The following UBXN2B variants were observed in gnomAD, a reference collection of about 807,000 sequenced individuals.
UBXN2B encodes UBX domain protein 2B.
UBXN2B carries 19 observed loss-of-function variants against 37.5 expected under a neutral mutation model. The ratio of observed to expected loss-of-function variants is 0.51; its 90% CI spans 0.35 to 0.74. The LOEUF is 0.74. Among genes scored for constraint, UBXN2B ranks in the 30% least tolerant of loss-of-function variants. The probability of loss-of-function intolerance (pLI) is 0.01; values close to 1 mark genes in which losing one functional copy is unlikely to be tolerated. For missense variants in UBXN2B, 370 were observed against 393.2 expected (o/e 0.94, Z 0.50); for synonymous variants, 145 against 143.8 (o/e 1.01, Z -0.06).
At chr8:58,431,391 T>C (rs961619383) in intron 3 of UBXN2B, among the ~76,000 whole-genome samples, 2 of 152,250 alleles carry the variant, frequency 1.3e-5, no homozygotes, top group Non-Finnish European at 2.9e-5. Context: ...GTCAGAGTTA[T>C]TGCTTGTATC....
chr8:58,440,251 G>A (rs981299552), intron 6 of UBXN2B, among the ~76,000 whole-genome samples: 1 of 152,180 alleles, frequency 6.6e-6, no homozygotes, highest in Non-Finnish European at 1.5e-5. Context: ...AAGGGTTGTC[G>A]ATGAGATAAA....
chr8:58,411,740 C>A (rs776834617), intron 1 of UBXN2B, among the ~76,000 whole-genome samples: 2 of 152,168 alleles, frequency 1.3e-5, no homozygotes, highest in African/African-American at 2.4e-5. Flanking sequence ...TGACATTTTG[C>A]GGGGTCAGTT....
chr8:58,424,234 A>G (rs1808012493), intron 2 of UBXN2B, among the ~76,000 whole-genome samples: 2 of 152,040 alleles, frequency 1.3e-5, no homozygotes, highest in Non-Finnish European at 2.9e-5. Context: ...TAAAAAGAAA[A>G]AAAAAAAAAA....
At chr8:58,425,680 G>C (rs150627622) in intron 2 of UBXN2B, 8 of 1,171,992 alleles carry the variant, frequency 6.8e-6, no homozygotes, top group Non-Finnish European at 1.0e-5. Flanking sequence ...CTTAGTTCTC[G>C]AATTCTGCTA....
intron 2 of UBXN2B, among the ~76,000 whole-genome samples, chr8:58,429,051 T>C (rs952897319): frequency 6.6e-6 from 1 of 152,218 alleles, no homozygotes; most frequent in Admixed American, 6.5e-5. Flanking sequence ...TAGGCAAAGA[T>C]TTCAAATAAT....
At chr8:58,434,369 A>ATAT (rs1554552288) in intron 4 of UBXN2B, 26 bp from the exon 5 acceptor site, 11 of 306,944 alleles carry the variant, frequency 3.6e-5, no homozygotes, top group Non-Finnish European at 4.2e-5. Context: ...ATATATATAT[A>ATAT]TTTTTTTTTT....
intron 7 of UBXN2B, among the ~76,000 whole-genome samples, chr8:58,446,741 G>T (rs546514644): frequency 8.1e-6 from 1 of 123,506 alleles, no homozygotes; most frequent in Admixed American, 8.6e-5. Flanking sequence ...GTCATATGCT[G>T]CTAACACATT....
chr8:58,447,142 T>G (rs1808700350), intron 7 of UBXN2B, among the ~76,000 whole-genome samples: 1 of 152,130 alleles, frequency 6.6e-6, no homozygotes, highest in African/African-American at 2.4e-5. Flanking sequence ...ACTTACTTTA[T>G]TCATAACTTA....
chr8:58,416,388 T>C (rs1427623387), intron 1 of UBXN2B, among the ~76,000 whole-genome samples: 2 of 152,102 alleles, frequency 1.3e-5, no homozygotes, highest in Non-Finnish European at 2.9e-5. Context: ...ATTTATAAGT[T>C]TGGTAGACTT....
At chr8:58,440,732 C>T (rs558017633) in intron 6 of UBXN2B, among the ~76,000 whole-genome samples, 1 of 152,254 alleles carries the variant, frequency 6.6e-6, no homozygotes, top group East Asian at 1.9e-4. Flanking sequence ...CTTCAGTTGC[C>T]TCGTGTACAC....
chr8:58,447,646 T>C lies in UBXN2B; in HGVS notation c.*95T>C, dbSNP rs1808712109. ...GCATTAAAAACAGCCAAATTATTTTTATTATTTTTACAGATAAATTTTGGT... is the reference window on the plus strand; with the variant it reads ...GCATTAAAAACAGCCAAATTATTTTCATTATTTTTACAGATAAATTTTGGT... On this transcript the variant is annotated 3_prime_UTR_variant, in exon 8 of 8. Transcript: ENST00000399598. 1.7e-6 allele frequency: 2 copies of C among 1,211,362 alleles called. No individual in the cohort carries two copies. Among genetic ancestry groups the C allele is most frequent in the Non-Finnish European group, 2.2e-6 (2 of 924,452 alleles). The allele number at this position is 1,211,362 out of a possible 1,614,324, so 75.0% of individuals were successfully genotyped here. A position where few individuals can be genotyped will look rare whatever the true frequency, so the allele number is the denominator to read the frequency against.
chr8:58,446,816 G>T (rs202246575), intron 7 of UBXN2B, among the ~76,000 whole-genome samples: 2 of 3,940 alleles, frequency 5.1e-4, no homozygotes, highest in Admixed American at 1.3e-3. Context: ...TTTTTTTTTT[G>T]AGACAGAGTC....
intron 3 of UBXN2B, 104 bp from the exon 4 acceptor site, chr8:58,433,056 A>T: frequency 1.1e-6 from 1 of 891,618 alleles, no homozygotes; most frequent in Non-Finnish European, 1.7e-6. Flanking sequence ...AGTATGAGCC[A>T]CTTTGGCTAA....
At chr8:58,418,699 C>T (rs1807847627) in intron 2 of UBXN2B, among the ~76,000 whole-genome samples, 1 of 152,212 alleles carries the variant, frequency 6.6e-6, no homozygotes, top group Non-Finnish European at 1.5e-5. Flanking sequence ...TTGTAAGATA[C>T]TGTGTGTCCT....
chr8:58,426,743 C>T (rs1808104409), intron 2 of UBXN2B: 1 of 656,856 alleles, frequency 1.5e-6, no homozygotes. Context: ...CTCCACTGGG[C>T]TCGGTCACGT....
intron 6 of UBXN2B, among the ~76,000 whole-genome samples, chr8:58,444,373 C>G (rs925529233): frequency 5.3e-5 from 8 of 152,146 alleles, no homozygotes; most frequent in Non-Finnish European, 8.8e-5. Context: ...GCTGTTGGCT[C>G]TCAGGCACAA....
chr8:58,438,228 G>C (rs1395212109), intron 5 of UBXN2B, among the ~76,000 whole-genome samples: 1 of 152,240 alleles, frequency 6.6e-6, no homozygotes, highest in African/African-American at 2.4e-5. Flanking sequence ...ATGGGAGGCT[G>C]CACCTAGATT....
intron 1 of UBXN2B, among the ~76,000 whole-genome samples, chr8:58,416,175 A>T (rs1807777483): frequency 6.6e-6 from 1 of 152,036 alleles, no homozygotes; most frequent in Non-Finnish European, 1.5e-5. Context: ...AGTCAGAAAA[A>T]ATTCTATACA....
At chr8:58,444,165 T>C (rs1409507701) in intron 6 of UBXN2B, among the ~76,000 whole-genome samples, 1 of 152,212 alleles carries the variant, frequency 6.6e-6, no homozygotes, top group Non-Finnish European at 1.5e-5. Flanking sequence ...GGGAGGCAAC[T>C]TGGTGTGTAG....
Sources: allele counts gnomAD v4.1 joint callset (sites outside exome capture counted in the v4.1 genomes callset), GRCh38; gene constraint gnomAD v4.1.1; transcripts MANE v1.5; gene names NCBI Gene and HGNC (gene_info 2026-07-23, HGNC 2026-07-21).